The following PEG3 variants were observed in gnomAD, a reference collection of about 807,000 sequenced individuals.
PEG3 encodes the protein paternally-expressed gene 3 protein.
PEG3 carries 23 observed loss-of-function variants against 35.5 expected under a neutral mutation model. That is an observed-to-expected ratio of 0.65 (90% CI 0.47 to 0.92). The LOEUF (loss-of-function observed/expected upper bound fraction) is 0.92, where lower values mean the gene tolerates loss of function less well. Among genes scored for constraint, PEG3 ranks in the 40% least tolerant of loss-of-function variants. The pLI is 0.00. For synonymous variants in PEG3, 707 were observed against 697.0 expected, an observed-to-expected ratio of 1.01 and a Z score of -0.23; for missense variants, 1,960 against 1,985.3, an observed-to-expected ratio of 0.99 and a Z score of 0.24.
chr19:56,810,682 TTTAG>T lies in PEG3; in HGVS notation c.*2989_*2992del, dbSNP rs1252113680. On this transcript the variant is annotated 3_prime_UTR_variant, in exon 10 of 10. Coordinates refer to ENST00000326441, the MANE Select transcript of PEG3 (RefSeq NM_006210.3). ...CAAATTCCCACAATGACAACACTAT[TTTAG>T]TTATTTTCCACATCTTTTCATTTAA... 5 of 974,268 alleles carry T rather than the reference TTTAG, an allele frequency of 5.1e-6. No individual in the cohort carries two copies. Among genetic ancestry groups the T allele is most frequent in the African/African-American group, 3.5e-5 (2 of 57,004 alleles). 60.4% of individuals were successfully genotyped at this position (974,268 alleles called of 1,614,324 possible). A position where few individuals can be genotyped will look rare whatever the true frequency, so the allele number is the denominator to read the frequency against.
At chr19:56,838,830 G>A (rs577404932) in intron 1 of PEG3, among the ~76,000 whole-genome samples, 1 of 152,298 alleles carries the variant, frequency 6.6e-6, no homozygotes, top group African/African-American at 2.4e-5. Context: ...AGGCAGGCAA[G>A]CACAGCAACC....
chr19:56,824,491 C>T lies in PEG3; in HGVS notation c.165G>A (p.Val55=). ...GGGTCTTCCGAGGCCCAACAAATTC[C>T]ACATAGATTAGGTTCCGAAACCTCT... ...FHQRFRNLIY[V]EFVGPRKTLI... Residue 55 remains valine (V), a synonymous_variant, in exon 4 of 10, where the codon GTG becomes GTA. Transcript: ENST00000326441. The T allele has an allele frequency of 6.2e-7, 1 of 1,614,080 alleles. No homozygotes were observed. Among genetic ancestry groups the T allele is most frequent in the Non-Finnish European group, 8.5e-7 (1 of 1,180,034 alleles).
chr19:56,838,897 C>G (rs2062567658), intron 1 of PEG3, among the ~76,000 whole-genome samples: 1 of 152,226 alleles, frequency 6.6e-6, no homozygotes, highest in Admixed American at 6.5e-5. Context: ...CCGCAGCCGC[C>G]CCGATCAAAG....
intron 2 of PEG3, among the ~76,000 whole-genome samples, chr19:56,830,466 T>G (rs539125092): frequency 6.6e-6 from 1 of 152,326 alleles, no homozygotes; most frequent in African/African-American, 2.4e-5. Flanking sequence ...TTATAAAGAC[T>G]TATCTCAAAT....
chr19:56,824,778 G>A, intron 3 of PEG3, 37 bp from the exon 4 acceptor site: 1 of 954,484 alleles, frequency 1.0e-6, no homozygotes, highest in Non-Finnish European at 1.6e-6. Context: ...TGTCCCAGAA[G>A]TTGAAGACCA....
At chr19:56,839,302 G>A (rs973166901) in intron 1 of PEG3, among the ~76,000 whole-genome samples, 8 of 147,404 alleles carry the variant, frequency 5.4e-5, no homozygotes, top group Non-Finnish European at 1.2e-4. Context: ...TGAGCAGATC[G>A]TCATATCCAA....
intron 6 of PEG3, among the ~76,000 whole-genome samples, chr19:56,822,269 C>G (rs1000036135): frequency 6.6e-6 from 1 of 152,202 alleles, no homozygotes; most frequent in African/African-American, 2.4e-5. Context: ...AAATGATTTC[C>G]AGCAGTATGG....
At chr19:56,835,685 C>T (rs189015953) in intron 2 of PEG3, among the ~76,000 whole-genome samples, 1 of 152,340 alleles carries the variant, frequency 6.6e-6, no homozygotes, top group Admixed American at 6.5e-5. Context: ...TGTCCCAGTA[C>T]CTGGCACAAA....
intron 6 of PEG3, among the ~76,000 whole-genome samples, chr19:56,822,220 C>T (rs538576120): frequency 1.4e-4 from 22 of 152,288 alleles, no homozygotes; most frequent in Non-Finnish European, 2.2e-4. Flanking sequence ...GGGTGCCCTG[C>T]TGCCCACAGC....
At position 56,810,613 on chromosome 19, in the gene PEG3, A is replaced by C; in HGVS notation, c.*3062T>G. ...AATACATACATAAAATTTATTACCA[A>C]AACACCAAAGATTATTTAAGGAATT... On this transcript the variant is annotated 3_prime_UTR_variant, in exon 10 of 10. Coordinates refer to ENST00000326441, the MANE Select transcript of PEG3 (RefSeq NM_006210.3). 6 of 928,354 alleles carry C rather than the reference A, an allele frequency of 6.5e-6. No homozygotes were observed. Among genetic ancestry groups the C allele is most frequent in the Non-Finnish European group, 7.7e-6 (6 of 778,086 alleles). 57.5% of individuals were successfully genotyped at this position (928,354 alleles called of 1,614,324 possible).
chr19:56,824,891 A>G, intron 3 of PEG3, 150 bp from the exon 4 acceptor site: 1 of 494,160 alleles, frequency 2.0e-6, no homozygotes. Flanking sequence ...GCCTCAGCAC[A>G]GCAGTTACAA....
chr19:56,824,720 G>C lies in PEG3; in HGVS notation c.-65C>G, dbSNP rs1279114284. 1.7e-5 allele frequency: 24 copies of C among 1,442,564 alleles called. No individual in the cohort carries two copies. The highest frequency in any genetic ancestry group is 2.0e-5 in the Non-Finnish European group (21 of 1,053,884). 89.4% of individuals were successfully genotyped at this position (1,442,564 alleles called of 1,614,324 possible). ...GTCAACAGGAAAGACGCGGCAGCCT[G>C]TGACCGTCAGTACTCAGGGACCTGT... On this transcript the variant is annotated 5_prime_UTR_variant, in exon 4 of 10. Transcript: ENST00000326441.
chr19:56,815,579 G>C lies in PEG3; in HGVS notation c.2863C>G (p.Leu955Val), dbSNP rs369361484. The change falls in exon 10 of 10, where the codon CTG becomes GTG. Residue 955 changes from leucine (L) to valine (V), a missense_variant. Transcript: ENST00000326441. ...RSNETSVIHS[L>V]PFGEQTFRPR... is the part of the protein sequence containing the mutation. ...CGAAATGTTTGTTCACCAAAAGGCA[G>C]AGAGTGAATTACAGAGGTCTCATTG... is the stretch of plus-strand genomic sequence containing the variant. The C allele has an allele frequency of 6.2e-6, 10 of 1,614,012 alleles. No individual in the cohort carries two copies. In the African/African-American group the frequency reaches 1.3e-4, roughly 22 times the overall value.
At chr19:56,830,935 T>C (rs1206773258) in intron 2 of PEG3, among the ~76,000 whole-genome samples, 1 of 150,212 alleles carries the variant, frequency 6.7e-6, no homozygotes, top group African/African-American at 2.5e-5. Context: ...ACCAAAAAAA[T>C]AAAAAACAAT....
intron 8 of PEG3, among the ~76,000 whole-genome samples, chr19:56,818,061 A>T (rs1282319667): frequency 6.6e-6 from 1 of 152,252 alleles, no homozygotes; most frequent in Non-Finnish European, 1.5e-5. Flanking sequence ...ATGTGTACAA[A>T]GACCCCACAT....
chr19:56,822,959 A>G (rs1310825541), intron 5 of PEG3, 123 bp from the exon 6 acceptor site: 2 of 1,288,818 alleles, frequency 1.6e-6, no homozygotes, highest in Non-Finnish European at 1.1e-6. Context: ...ATGGATCCAA[A>G]ACAGAGAGCT....
chr19:56,833,477 C>T (rs1238282033), intron 2 of PEG3: 2 of 287,484 alleles, frequency 7.0e-6, no homozygotes, highest in South Asian at 3.4e-5. Flanking sequence ...CTGTCCCAGC[C>T]CAGGCCTACG....
In PEG3 at chr19:56,811,981, C is replaced by A. The variant is rs928194854; in HGVS notation, c.*1694G>T. The A allele has an allele frequency of 4.7e-5, 46 of 985,268 alleles. No individual in the cohort carries two copies. Among genetic ancestry groups the A allele is most frequent in the Non-Finnish European group, 5.5e-5 (46 of 829,944 alleles). 61.0% of individuals were successfully genotyped at this position (985,268 alleles called of 1,614,324 possible). ...GCTCTACAATCTTCCTAAACTTTGA[C>A]ACTCCCTGCATCTTTGACATACTTC... On this transcript the variant is annotated 3_prime_UTR_variant, in exon 10 of 10. Coordinates refer to ENST00000326441, the MANE Select transcript of PEG3 (RefSeq NM_006210.3).
At chr19:56,838,176 C>A (rs2062415021) in intron 1 of PEG3, among the ~76,000 whole-genome samples, 1 of 152,220 alleles carries the variant, frequency 6.6e-6, no homozygotes, top group Admixed American at 6.5e-5. Context: ...TACAGCCAAC[C>A]CAGCAGTCAT....
Sources: allele counts gnomAD v4.1 joint callset (sites outside exome capture counted in the v4.1 genomes callset), GRCh38; gene constraint gnomAD v4.1.1; transcripts MANE v1.5; gene names NCBI Gene and HGNC (gene_info 2026-07-23, HGNC 2026-07-21).